The following SHISA9 variants were observed in gnomAD, a reference collection of about 807,000 sequenced individuals.
The protein encoded by SHISA9 is shisa family member 9.
Under a neutral mutation model 38.0 loss-of-function variants are expected in SHISA9, and 13 were observed. The observed-to-expected ratio is 0.34, with a 90% confidence interval of 0.22 to 0.54. SHISA9 has a LOEUF of 0.54. SHISA9 is among the 20% of genes least tolerant of loss of function. SHISA9 has a pLI of 0.91. For missense variants in SHISA9, 538 were observed against 575.8 expected (o/e 0.93, Z 0.67); for synonymous variants, 275 against 242.0 (o/e 1.14, Z -1.27).
downstream of SHISA9, among the ~76,000 whole-genome samples, chr16:13,240,569 A>AACATATAC (rs1247192678): frequency 1.3e-5 from 2 of 152,206 alleles, no homozygotes; most frequent in Admixed American, 1.3e-4. Flanking sequence ...AGTTAACAGC[A>AACATATAC]ACATATACAC....
At chr16:13,515,338 A>G in the SHISA9 span, among the ~76,000 whole-genome samples, 2 of 152,222 alleles carry the variant, frequency 1.3e-5, no homozygotes, top group African/African-American at 2.4e-5. Context: ...CAGAAACTTA[A>G]GGCTACATGA....
intron 2 of SHISA9, among the ~76,000 whole-genome samples, chr16:13,049,156 ATGTGTG>A (rs10526925): frequency 0.075 from 4,777 of 63,602 alleles, 117 homozygotes; most frequent in Admixed American, 0.21. Context: ...GGTTAGGAGT[ATGTGTG>A]TGTGTGTGTG....
At chr16:12,944,375 C>T (rs1024696470) in intron 2 of SHISA9, among the ~76,000 whole-genome samples, 1 of 152,206 alleles carries the variant, frequency 6.6e-6, no homozygotes, top group Admixed American at 6.5e-5. Context: ...TGTCATCACC[C>T]TCTCTCAGGT....
the SHISA9 span, among the ~76,000 whole-genome samples, chr16:13,443,846 G>C: frequency 4.0e-5 from 6 of 151,830 alleles, no homozygotes; most frequent in African/African-American, 1.2e-4. Flanking sequence ...ATTATTTTCT[G>C]TCTCTTATGG....
chr16:12,996,619 T>C (rs9938975), intron 2 of SHISA9, among the ~76,000 whole-genome samples: 10,110 of 152,230 alleles, frequency 0.066, 718 homozygotes, highest in African/African-American at 0.18. Flanking sequence ...CTCAGGAGTC[T>C]TGCTGGCTCC....
chr16:13,111,151 A>G (rs575859430), intron 2 of SHISA9, among the ~76,000 whole-genome samples: 1 of 152,336 alleles, frequency 6.6e-6, no homozygotes, highest in South Asian at 2.1e-4. Flanking sequence ...CTTCATGACT[A>G]AAACACCAAA....
At chr16:13,016,449 C>G (rs1044057217) in intron 2 of SHISA9, among the ~76,000 whole-genome samples, 1 of 152,168 alleles carries the variant, frequency 6.6e-6, no homozygotes, top group African/African-American at 2.4e-5. Flanking sequence ...GATCAGTTCA[C>G]AAACATACGT....
At chr16:13,544,306 T>G in the SHISA9 span, among the ~76,000 whole-genome samples, 1 of 148,946 alleles carries the variant, frequency 6.7e-6, no homozygotes, top group Non-Finnish European at 1.5e-5. Context: ...AACCTTAGCC[T>G]CAGAAGGGTA....
intron 2 of SHISA9, among the ~76,000 whole-genome samples, chr16:13,144,917 G>A (rs2050433778): frequency 6.6e-6 from 1 of 152,150 alleles, no homozygotes. Flanking sequence ...AAGGAGGGAG[G>A]TTAGGCAAAG....
chr16:12,935,398 C>A (rs1040514542), intron 2 of SHISA9, among the ~76,000 whole-genome samples: 1 of 152,040 alleles, frequency 6.6e-6, no homozygotes, highest in African/African-American at 2.4e-5. Context: ...ATTTTCTTGC[C>A]CTGTGGCTTA....
At chr16:13,242,217 A>C (rs1443846877), downstream of SHISA9, among the ~76,000 whole-genome samples, 1 of 152,222 alleles carries the variant, frequency 6.6e-6, no homozygotes, top group African/African-American at 2.4e-5. Flanking sequence ...TCCAGAGCTC[A>C]TGCTTTAATG....
chr16:13,361,894 T>C, the SHISA9 span, among the ~76,000 whole-genome samples: 1 of 152,216 alleles, frequency 6.6e-6, no homozygotes, highest in Admixed American at 6.5e-5. Context: ...ATCATTTACA[T>C]TAACATGTAA....
chr16:12,936,733 G>C (rs906643220), intron 2 of SHISA9, among the ~76,000 whole-genome samples: 2 of 152,170 alleles, frequency 1.3e-5, no homozygotes, highest in African/African-American at 4.8e-5. Flanking sequence ...GGTAATTTTG[G>C]CTGAATATGA....
the SHISA9 span, among the ~76,000 whole-genome samples, chr16:13,442,018 G>A: frequency 6.1e-4 from 93 of 152,356 alleles, no homozygotes; most frequent in African/African-American, 2.0e-3. Flanking sequence ...GATAATGAAA[G>A]TGATGGAGCT....
chr16:13,076,539 GA>G (rs1459630164), intron 2 of SHISA9, among the ~76,000 whole-genome samples: 5 of 151,990 alleles, frequency 3.3e-5, no homozygotes, highest in Admixed American at 2.6e-4. Context: ...TAGAGGTATA[GA>G]ACAAGATAGA....
At chr16:13,173,147 A>ACGTGCG (rs2050701469) in intron 2 of SHISA9, among the ~76,000 whole-genome samples, 1 of 76,838 alleles carries the variant, frequency 1.3e-5, no homozygotes, top group Admixed American at 1.5e-4. Flanking sequence ...GAAGAGATGC[A>ACGTGCG]CGTGCGCACA....
intron 4 of SHISA9, among the ~76,000 whole-genome samples, chr16:13,234,532 C>CGGAGAAAAATCAAA (rs2051361860): frequency 6.6e-6 from 1 of 152,084 alleles, no homozygotes; most frequent in African/African-American, 2.4e-5. Flanking sequence ...CAAAAGCAAA[C>CGGAGAAAAATCAAA]AAACCAGCGG....
chr16:13,545,648 C>T, the SHISA9 span, among the ~76,000 whole-genome samples: 1 of 152,292 alleles, frequency 6.6e-6, no homozygotes, highest in Non-Finnish European at 1.5e-5. Flanking sequence ...CCACCTGTTG[C>T]GTCCCCTGGC....
the SHISA9 span, among the ~76,000 whole-genome samples, chr16:13,523,414 T>C: frequency 1.3e-3 from 196 of 152,294 alleles, 2 homozygotes; most frequent in African/African-American, 4.6e-3. Context: ...TAATAGTGTC[T>C]TTGGCCATTT....
Sources: gnomAD v4.1 joint callset for allele counts (sites outside exome capture counted in the v4.1 genomes callset) on GRCh38, gnomAD v4.1.1 for gene constraint, MANE v1.5 for transcripts, NCBI Gene and HGNC (gene_info 2026-07-23, HGNC 2026-07-21) for gene names.